Variants in RSPH4A observed in about 807,000 individuals in gnomAD.
The protein encoded by RSPH4A is radial spoke head protein 4 homolog A.
Under a neutral mutation model 71.0 loss-of-function variants are expected in RSPH4A, and 47 were observed. That is an observed-to-expected ratio of 0.66 (90% CI 0.52 to 0.84). The LOEUF (loss-of-function observed/expected upper bound fraction) is 0.84. RSPH4A is among the 40% of genes least tolerant of loss of function. RSPH4A has a pLI of 0.00. For missense variants in RSPH4A, 793 were observed against 855.2 expected (o/e 0.93, Z 0.91); for synonymous variants, 282 against 302.3 (o/e 0.93, Z 0.70).
At chr6:116,631,116 C>G (rs1304452822) in intron 5 of RSPH4A, among the ~76,000 whole-genome samples, 2 of 151,832 alleles carry the variant, frequency 1.3e-5, no homozygotes, top group African/African-American at 4.8e-5. Context: ...GGACTTTTAC[C>G]CTTTCATCTT....
intron 1 of RSPH4A, among the ~76,000 whole-genome samples, chr6:116,617,947 T>C (rs1775538663): frequency 1.3e-5 from 2 of 151,276 alleles, no homozygotes; most frequent in African/African-American, 2.4e-5. Flanking sequence ...TTTTAGAACT[T>C]ATGACATGTA....
chr6:116,616,994 A>G lies in RSPH4A; in HGVS notation c.371A>G (p.Tyr124Cys). 1 of 1,614,180 alleles carries G rather than the reference A, an allele frequency of 6.2e-7. No individual in the cohort carries two copies. The highest frequency in any genetic ancestry group is 1.3e-5 in the African/African-American group (1 of 75,040). Residue 124 changes from tyrosine to cysteine, a missense_variant, in exon 1 of 6, where the codon TAT (tyrosine) becomes TGT (cysteine). Physicochemically the swap from Tyr to Cys is radical, Grantham distance 194. Transcript: ENST00000229554. Reference protein sequence around the residue: ...TSVIPEAGTPYPDPLEQSSDK... With the variant: ...TSVIPEAGTPCPDPLEQSSDK... The stretch of plus-strand genomic sequence containing the variant: ...GTGATTCCTGAAGCTGGGACACCTT[A>G]TCCTGATCCTTTGGAACAATCATCT...
chr6:116,632,384 C>G lies in RSPH4A; in HGVS notation c.2094C>G (p.Leu698=). 1.2e-6 allele frequency: 2 copies of G among 1,613,728 alleles called. No homozygotes were observed. The highest frequency in any genetic ancestry group is 1.7e-4 in the Middle Eastern group (1 of 6,054). ...AFRAAQEAVL[L]AAENEESEED... ...GGGCTGCACAAGAAGCAGTTCTACTCGCAGCTGAGAATGAAGAATCTGAGG... is the reference window on the plus strand; with the variant it reads ...GGGCTGCACAAGAAGCAGTTCTACTGGCAGCTGAGAATGAAGAATCTGAGG... Residue 698 remains leucine, a synonymous_variant, in exon 6 of 6, where the codon CTC becomes CTG. Transcript: ENST00000229554.
At chr6:116,630,400 G>T in intron 4 of RSPH4A, 35 bp from the exon 5 acceptor site, 1 of 1,078,492 alleles carries the variant, frequency 9.3e-7, no homozygotes, top group Non-Finnish European at 1.4e-6. Flanking sequence ...TGTCTAGTTA[G>T]GAATTAAGCT....
At chr6:116,620,203 A>C (rs1323870548) in intron 1 of RSPH4A, among the ~76,000 whole-genome samples, 3 of 152,268 alleles carry the variant, frequency 2.0e-5, no homozygotes, top group Non-Finnish European at 2.9e-5. Context: ...TTGTGAGTTC[A>C]CTAACAATTT....
chr6:116,618,426 A>G (rs1434867421), intron 1 of RSPH4A, among the ~76,000 whole-genome samples: 2 of 152,242 alleles, frequency 1.3e-5, no homozygotes, highest in African/African-American at 4.8e-5. Context: ...GTGGTAGCAC[A>G]ATGCTAGCAA....
At chr6:116,625,795 GAA>G (rs1188525706) in intron 2 of RSPH4A, among the ~76,000 whole-genome samples, 1 of 152,166 alleles carries the variant, frequency 6.6e-6, no homozygotes, top group Non-Finnish European at 1.5e-5. Flanking sequence ...CACTGGCGAA[GAA>G]AGAGTACATA....
At chr6:116,626,001 A>G (rs985002176) in intron 2 of RSPH4A, among the ~76,000 whole-genome samples, 2 of 152,298 alleles carry the variant, frequency 1.3e-5, no homozygotes, top group Middle Eastern at 3.4e-3. Context: ...AAGAGTTGAG[A>G]GATGCGATAA....
At position 116,616,540 on chromosome 6, in the gene RSPH4A, C is replaced by T. The variant is rs942312978; in HGVS notation, c.-84C>T. On this transcript the variant is annotated 5_prime_UTR_variant, in exon 1 of 6. Transcript: ENST00000229554. ...GACCCAGAAATCGCTTAAGAGACCG[C>T]GGCAAAGTAACTTAACTGAGTTGCC... 9 of 1,226,032 alleles carry T rather than the reference C, an allele frequency of 7.3e-6. No individual in the cohort carries two copies. Among genetic ancestry groups the T allele is most frequent in the Non-Finnish European group, 1.1e-5 (9 of 852,788 alleles). The allele number at this position is 1,226,032 out of a possible 1,614,324, so 75.9% of individuals were successfully genotyped here.
In RSPH4A at chr6:116,616,631, A is replaced by T; in HGVS notation, c.8A>T (p.Asp3Val). 1 of 1,611,502 alleles carries T rather than the reference A, an allele frequency of 6.2e-7. No homozygotes were observed. Among genetic ancestry groups the T allele is most frequent in the Non-Finnish European group, 8.5e-7 (1 of 1,178,780 alleles). Residue 3 changes from aspartate to valine, a missense_variant, in exon 1 of 6, where the codon GAC (aspartate) becomes GTC (valine). Transcript: ENST00000229554. ...TTTTCTTGAACTGCTTCCATGGAGG[A>T]CTCAACCTCCCCGAAGCAAGAAAAA... ME[D>V]STSPKQEKEN...
At chr6:116,623,403 A>G (rs894945246) in intron 2 of RSPH4A, among the ~76,000 whole-genome samples, 4 of 152,134 alleles carry the variant, frequency 2.6e-5, no homozygotes, top group African/African-American at 7.2e-5. Flanking sequence ...CTTCTTACAT[A>G]GTATTTACAT....
At chr6:116,617,877 C>T (rs1462272299) in intron 1 of RSPH4A, among the ~76,000 whole-genome samples, 2 of 152,166 alleles carry the variant, frequency 1.3e-5, no homozygotes, top group Non-Finnish European at 2.9e-5. Flanking sequence ...TTATCCAAGT[C>T]TCTTAAAATG....
At chr6:116,626,843 C>T (rs1775702769) in intron 2 of RSPH4A, among the ~76,000 whole-genome samples, 1 of 152,072 alleles carries the variant, frequency 6.6e-6, no homozygotes, top group African/African-American at 2.4e-5. Flanking sequence ...CCATACATTA[C>T]ATTATACAGG....
At chr6:116,632,065 T>C (rs907603504) in intron 5 of RSPH4A, 142 bp from the exon 6 acceptor site, 5 of 626,434 alleles carry the variant, frequency 8.0e-6, no homozygotes, top group Non-Finnish European at 1.4e-5. Context: ...TTGAGGAATA[T>C]TTCACTTCTA....
At position 116,617,156 on chromosome 6, in the gene RSPH4A, T is replaced by C; in HGVS notation, c.533T>C (p.Phe178Ser). 2 of 1,614,152 alleles carry C rather than the reference T, an allele frequency of 1.2e-6. No homozygotes were observed. The highest frequency in any genetic ancestry group is 1.7e-6 in the Non-Finnish European group (2 of 1,180,034). ...AACGCTAAACAGAAAGAGCTGAGAT[T>C]TGACGTTTTTCAGGAGGAAGACTCA... The part of the protein sequence containing the change: ...YNNAKQKELR[F>S]DVFQEEDSNS... Residue 178 changes from phenylalanine to serine, a missense_variant, in exon 1 of 6, where the codon TTT becomes TCT. Coordinates refer to ENST00000229554, the MANE Select transcript of RSPH4A (RefSeq NM_001010892.3).
At chr6:116,622,613 C>G (rs997576284) in intron 1 of RSPH4A, among the ~76,000 whole-genome samples, 155 bp from the exon 2 acceptor site, 1 of 152,244 alleles carries the variant, frequency 6.6e-6, no homozygotes, top group Middle Eastern at 3.4e-3. Context: ...CAATAATTGC[C>G]TACTTCCTAT....
intron 2 of RSPH4A, among the ~76,000 whole-genome samples, chr6:116,626,500 C>T (rs1407083265): frequency 2.0e-5 from 3 of 152,086 alleles, no homozygotes; most frequent in Admixed American, 6.5e-5. Flanking sequence ...CCCCACCACA[C>T]CCGGCTGACT....
At position 116,632,211 on chromosome 6, in the gene RSPH4A, T is replaced by C; in HGVS notation, c.1921T>C (p.Phe641Leu). 1 of 1,606,720 alleles carries C rather than the reference T, an allele frequency of 6.2e-7. No homozygotes were observed. Among genetic ancestry groups the C allele is most frequent in the Non-Finnish European group, 8.5e-7 (1 of 1,176,320 alleles). Reference sequence around the variant, plus strand: ...TCTTCTTTTTCTTACTTATAGAAAGTTTGAAAATTTCTACATAGGCTGGGG... The same window carrying C: ...TCTTCTTTTTCTTACTTATAGAAAGCTTGAAAATTTCTACATAGGCTGGGG... ...GAYAFSNGKK[F>L]ENFYIGWGHK... Residue 641 changes from phenylalanine to leucine, a missense_variant, in exon 6 of 6, where the codon TTT (phenylalanine) becomes CTT (leucine). By Grantham distance (22) the Phe-to-Leu change is conservative. Transcript: ENST00000229554.
At chr6:116,629,247 A>G (rs1775753650) in intron 3 of RSPH4A, among the ~76,000 whole-genome samples, 1 of 152,206 alleles carries the variant, frequency 6.6e-6, no homozygotes, top group Non-Finnish European at 1.5e-5. Flanking sequence ...GCTCTCTCAC[A>G]TAAATTATTT....
Sources: allele counts gnomAD v4.1 joint callset (sites outside exome capture counted in the v4.1 genomes callset), GRCh38; gene constraint gnomAD v4.1.1; transcripts MANE v1.5; gene names NCBI Gene and HGNC (gene_info 2026-07-23, HGNC 2026-07-21).